Variants in SLC34A2 observed in about 807,000 individuals in gnomAD.
SLC34A2 encodes the protein sodium-dependent phosphate transport protein 2B.
Under a neutral mutation model 50.8 loss-of-function variants are expected in SLC34A2, and 41 were observed. The ratio of observed to expected loss-of-function variants is 0.81; its 90% CI spans 0.63 to 1.05. The LOEUF (loss-of-function observed/expected upper bound fraction) is 1.05. Ranked by LOEUF, SLC34A2 falls within the 50% of genes least tolerant of loss-of-function variation. SLC34A2 has a pLI of 0.00. For missense variants in SLC34A2, 879 were observed against 876.7 expected, an observed-to-expected ratio of 1.00 and a Z score of -0.03; for synonymous variants, 401 against 364.2, an observed-to-expected ratio of 1.10 and a Z score of -1.15.
intron 4 of SLC34A2, chr4:25,665,124 C>A: frequency 5.1e-6 from 1 of 197,938 alleles, no homozygotes; most frequent in Non-Finnish European, 1.0e-5. Context: ...GGTGGGCATT[C>A]ATGGGAGAGC....
chr4:25,657,872 T>A (rs1054118745), intron 1 of SLC34A2, among the ~76,000 whole-genome samples: 1 of 152,130 alleles, frequency 6.6e-6, no homozygotes, highest in African/African-American at 2.4e-5. Context: ...GGATTATAGG[T>A]GTGAGCCACC....
rs1428794961 is a variant in SLC34A2, at chr4:25,658,456, CT to C, written c.-4+2568del. Among the ~76,000 whole-genome samples the C allele has an allele frequency of 3.9e-5, 6 of 152,208 alleles. No homozygotes were observed. In the East Asian group the frequency reaches 1.2e-3, roughly 29 times the overall value. ...GGGCACAAGGGGCCCAGGAACAGGT[CT>C]TGGTTGGAGAAGCCCAAACAATGCG... On this transcript the variant is annotated intron_variant, in intron 1 of 12. Transcript: ENST00000382051.
chr4:25,673,336 A>G, intron 10 of SLC34A2, 82 bp downstream of exon 10: 1 of 1,284,642 alleles, frequency 7.8e-7, no homozygotes, highest in South Asian at 1.2e-5. Flanking sequence ...CCATCTAGCA[A>G]TGGCCTCTGC....
intron 10 of SLC34A2, 27 bp from the exon 11 acceptor site, chr4:25,674,269 A>G (rs576038390): frequency 1.9e-6 from 3 of 1,589,458 alleles, no homozygotes; most frequent in Non-Finnish European, 2.6e-6. Flanking sequence ...CGGAGAGGCC[A>G]TGACATCTCT....
In SLC34A2 at chr4:25,676,357, C is replaced by T; in HGVS notation, c.1681C>T (p.Pro561Ser). 1.2e-6 allele frequency: 2 copies of T among 1,614,184 alleles called. No individual in the cohort carries two copies. Among genetic ancestry groups the T allele is most frequent in the Non-Finnish European group, 1.7e-6 (2 of 1,180,042 alleles). ...GCGGGTGCTGGTTGGTGTCGGGGTT[C>T]CCGTCGTCTTCATCATCATCCTGGT... ...GWRVLVGVGV[P>S]VVFIIILVLC... is the part of the protein sequence containing the mutation. Residue 561 changes from proline to serine, a missense_variant, in exon 13 of 13, where the codon CCC becomes TCC. By Grantham distance (74) the Pro-to-Ser change is moderately conservative. Coordinates refer to ENST00000382051, the MANE Select transcript of SLC34A2 (RefSeq NM_006424.3).
intron 5 of SLC34A2, among the ~76,000 whole-genome samples, chr4:25,666,641 A>G (rs1714516449): frequency 6.6e-6 from 1 of 152,232 alleles, no homozygotes; most frequent in Non-Finnish European, 1.5e-5. Flanking sequence ...CAAGTGTTAA[A>G]GAGCCACATG....
chr4:25,670,876 G>C (rs1174160178), intron 8 of SLC34A2, 43 bp downstream of exon 8: 1 of 1,459,828 alleles, frequency 6.9e-7, no homozygotes, highest in South Asian at 1.2e-5. Flanking sequence ...GTGAACCTTT[G>C]CATCTGAACA....
chr4:25,677,123 G>A lies in SLC34A2; in HGVS notation c.*374G>A. ...AGGCCCAGGGAAGGAATGTATGAGA[G>A]GCTCTCCCAGATGAGGAAGTGTACT... On this transcript the variant is annotated 3_prime_UTR_variant, in exon 13 of 13. Transcript: ENST00000382051. 3.7e-6 allele frequency: 1 copy of A among 272,844 alleles called. No homozygotes were observed. Among genetic ancestry groups the A allele is most frequent in the Non-Finnish European group, 7.1e-6 (1 of 140,664 alleles). 16.9% of individuals were successfully genotyped at this position (272,844 alleles called of 1,614,324 possible).
Position 25,676,769 on chromosome 4 carries a change from G to T in SLC34A2, c.*20G>T. Reference sequence around the variant, plus strand: ...TTGTAGGGGACGCCCCAGATTGTCAGGGATGGGGGGATGGTCCTTGAGTTT... The same window carrying T: ...TTGTAGGGGACGCCCCAGATTGTCATGGATGGGGGGATGGTCCTTGAGTTT... On this transcript the variant is annotated 3_prime_UTR_variant, in exon 13 of 13. Transcript: ENST00000382051. 6.2e-7 allele frequency: 1 copy of T among 1,613,904 alleles called. No homozygotes were observed. Among genetic ancestry groups the T allele is most frequent in the Non-Finnish European group, 8.5e-7 (1 of 1,179,974 alleles).
At position 25,676,889 on chromosome 4, in the gene SLC34A2, C is replaced by A; in HGVS notation, c.*140C>A. 8.5e-7 allele frequency: 1 copy of A among 1,175,166 alleles called. No individual in the cohort carries two copies. The highest frequency in any genetic ancestry group is 1.2e-6 in the Non-Finnish European group (1 of 854,236). The allele number at this position is 1,175,166 out of a possible 1,614,324, so 72.8% of individuals were successfully genotyped here. A position where few individuals can be genotyped will look rare whatever the true frequency, so the allele number is the denominator to read the frequency against. ...ATGAAATTGATGCAGTCCTACCTAA[C>A]TCGATTCCCTTTGGCTTGGTGGTAG... On this transcript the variant is annotated 3_prime_UTR_variant, in exon 13 of 13. Transcript: ENST00000382051.
intron 7 of SLC34A2, among the ~76,000 whole-genome samples, chr4:25,670,093 T>G (rs1714736153): frequency 6.6e-6 from 1 of 152,182 alleles, no homozygotes. Flanking sequence ...CATGGTGGCG[T>G]GCACCTGTAG....
At chr4:25,665,685 T>C (rs371902651) in intron 4 of SLC34A2, among the ~76,000 whole-genome samples, 21 of 152,244 alleles carry the variant, frequency 1.4e-4, no homozygotes, top group East Asian at 1.4e-3. Flanking sequence ...GATAGAGAGA[T>C]CTACTCTTGG....
rs765114627 is a variant in SLC34A2, at chr4:25,676,510, G to C, written c.1834G>C (p.Gly612Arg). Residue 612 changes from glycine (G) to arginine (R), a missense_variant, in exon 13 of 13, where the codon GGC (glycine) becomes CGC (arginine). Physicochemically the swap from Gly to Arg is moderately radical, Grantham distance 125. Coordinates refer to ENST00000382051, the MANE Select transcript of SLC34A2 (RefSeq NM_006424.3). ...GGATGCCGTCGTCTCCAAGTTCACC[G>C]GCTGCTTCCAGATGCGCTGCTGCTG... The part of the protein sequence containing the change: ...PWDAVVSKFT[G>R]CFQMRCCCCC... The C allele has an allele frequency of 6.8e-6, 11 of 1,614,100 alleles. No homozygotes were observed. In the South Asian group the frequency reaches 1.1e-4, roughly 16 times the overall value.
chr4:25,659,560 A>C (rs1053896977), intron 1 of SLC34A2, among the ~76,000 whole-genome samples: 3 of 152,180 alleles, frequency 2.0e-5, no homozygotes, highest in African/African-American at 7.2e-5. Flanking sequence ...AACAATAAAC[A>C]AGAGTTCCGA....
chr4:25,676,106 C>T (rs1437408195), intron 12 of SLC34A2, 29 bp from the exon 13 acceptor site: 8 of 1,613,036 alleles, frequency 5.0e-6, no homozygotes, highest in South Asian at 1.1e-5. Flanking sequence ...GCAACAGGCC[C>T]CTCACCTGTC....
chr4:25,674,871 C>A (rs983373026), intron 12 of SLC34A2, among the ~76,000 whole-genome samples: 2 of 152,138 alleles, frequency 1.3e-5, no homozygotes, highest in African/African-American at 2.4e-5. Flanking sequence ...AGTGGGGTGG[C>A]CCCTTGATAT....
In SLC34A2 at chr4:25,677,594, A is replaced by C. The variant is rs978843509; in HGVS notation, c.*845A>C. 5.3e-5 allele frequency: 8 copies of C among 152,214 alleles called. 1 individual carries two copies. The highest frequency in any genetic ancestry group is 1.9e-4 in the African/African-American group (8 of 41,460). The allele number at this position is 152,214 out of a possible 1,614,324, so 9.4% of individuals were successfully genotyped here. On this transcript the variant is annotated 3_prime_UTR_variant, in exon 13 of 13. Transcript: ENST00000382051. ...AAACTAAGAAGCCCAATTCAAAAGC[A>C]TTGTGGCTAAAGTCTAACGCTCCTC...
At chr4:25,666,060 C>T (rs1714480240) in intron 4 of SLC34A2, 68 bp from the exon 5 acceptor site, 7 of 1,594,108 alleles carry the variant, frequency 4.4e-6, no homozygotes, top group Non-Finnish European at 6.0e-6. Flanking sequence ...CTTCTGTTTA[C>T]TCAGTGCCCA....
Position 25,662,775 on chromosome 4 carries a change from T to A in SLC34A2, c.183T>A (p.Asp61Glu). The change falls in exon 3 of 13, where the codon GAT becomes GAA. Residue 61 changes from aspartate to glutamate, a missense_variant. By Grantham distance (45) the Asp-to-Glu change is conservative (BLOSUM62 2). Coordinates refer to ENST00000382051, the MANE Select transcript of SLC34A2 (RefSeq NM_006424.3). Reference protein sequence around the residue: ...LPSYSTATLIDEPTEVDDPWN... With the variant: ...LPSYSTATLIEEPTEVDDPWN... ...CCTACTCCACGGCTACACTGATAGA[T>A]GAGCCCACTGAGGTGGATGACCCCT... 1 of 1,614,094 alleles carries A rather than the reference T, an allele frequency of 6.2e-7. No individual in the cohort carries two copies. The highest frequency in any genetic ancestry group is 8.5e-7 in the Non-Finnish European group (1 of 1,180,010).
Sources: allele counts gnomAD v4.1 joint callset (sites outside exome capture counted in the v4.1 genomes callset), GRCh38; gene constraint gnomAD v4.1.1; transcripts MANE v1.5; gene names NCBI Gene and HGNC (gene_info 2026-07-23, HGNC 2026-07-21).